MAN2A1: variants seen among roughly 807,000 people sequenced by gnomAD.
MAN2A1 encodes mannosidase alpha class 2A member 1, also known as alpha-mannosidase 2.
A neutral mutation model predicts 142.6 loss-of-function variants in MAN2A1; 76 were observed. The ratio of observed to expected loss-of-function variants is 0.53; its 90% CI spans 0.44 to 0.65. The LOEUF is 0.65. MAN2A1 is among the 30% of genes least tolerant of loss of function. MAN2A1 has a pLI of 0.00. For synonymous variants in MAN2A1, 559 were observed against 473.2 expected, an observed-to-expected ratio of 1.18 and a Z score of -2.35; for missense variants, 1,311 against 1,365.1, an observed-to-expected ratio of 0.96 and a Z score of 0.62.
intron 3 of MAN2A1, among the ~76,000 whole-genome samples, chr5:109,720,716 A>T (rs1383268637): frequency 6.6e-6 from 1 of 152,210 alleles, no homozygotes. Context: ...ATTTTGAGAA[A>T]GTTTAGAAAT....
intron 12 of MAN2A1, among the ~76,000 whole-genome samples, chr5:109,801,208 A>G (rs992041702): frequency 1.3e-5 from 2 of 152,182 alleles, no homozygotes; most frequent in Non-Finnish European, 2.9e-5. Flanking sequence ...GGCTGCTTTT[A>G]CCTGTTAGCT....
At chr5:109,820,014 G>A in intron 14 of MAN2A1, 127 bp downstream of exon 14, 1 of 836,458 alleles carries the variant, frequency 1.2e-6, no homozygotes, top group South Asian at 1.8e-5. Context: ...TGAGTAAAAG[G>A]AAGCATGAGC....
chr5:109,832,161 C>CTTTTTTTTTTTTTTTTTTTTT (rs70999945), intron 16 of MAN2A1, among the ~76,000 whole-genome samples: 1 of 51,230 alleles, frequency 2.0e-5, no homozygotes, highest in Non-Finnish European at 3.7e-5. Context: ...AAGGAGTTTT[C>CTTTTTTTTTTTTTTTTTTTTT]TTTTTTTTTT....
intron 7 of MAN2A1, among the ~76,000 whole-genome samples, chr5:109,773,695 A>G (rs537183042): frequency 2.2e-4 from 33 of 152,294 alleles, no homozygotes; most frequent in Non-Finnish European, 4.1e-4. Context: ...TTGCAAAGCA[A>G]TTTCAGAGAT....
intron 8 of MAN2A1, among the ~76,000 whole-genome samples, chr5:109,780,885 C>T (rs779203577): frequency 3.3e-5 from 5 of 152,098 alleles, no homozygotes; most frequent in Non-Finnish European, 7.4e-5. Flanking sequence ...AGTCCCTTCT[C>T]CTTCACAAGA....
At position 109,772,091 on chromosome 5, in the gene MAN2A1, A is replaced by AT. The variant is rs1337906814; in HGVS notation, c.1196+1556dup. On this transcript the variant is annotated intron_variant, in intron 7 of 21. Transcript: ENST00000261483. Reference sequence around the variant, plus strand: ...GAATGAGTCTATATAATACTTAGAGATTTTTTCTTTTTAAACTTCTTGGCC... The same window carrying AT: ...GAATGAGTCTATATAATACTTAGAGATTTTTTTCTTTTTAAACTTCTTGGCC... 3.9e-5 allele frequency among the ~76,000 whole-genome samples: 6 copies of AT among 151,926 alleles called. No individual in the cohort carries two copies. In the East Asian group the frequency reaches 1.2e-3, roughly 29 times the overall value.
At chr5:109,864,934 A>G (rs1755842390) in intron 20 of MAN2A1, 102 bp from the exon 21 acceptor site, 1 of 814,144 alleles carries the variant, frequency 1.2e-6, no homozygotes, top group East Asian at 2.5e-5. Context: ...CTTGCTAAAT[A>G]AATGTGCTTT....
intron 11 of MAN2A1, 144 bp downstream of exon 11, chr5:109,789,192 T>A: frequency 1.8e-6 from 1 of 546,394 alleles, no homozygotes. Context: ...TCACTTAATA[T>A]AAATTACCTG....
Position 109,827,763 on chromosome 5 carries a change from G to T in MAN2A1, c.2566+3926G>T, listed in dbSNP as rs180951797. Among the ~76,000 whole-genome samples the T allele has an allele frequency of 4.1e-4, 62 of 152,282 alleles. 1 individual carries two copies. Among genetic ancestry groups the T allele is most frequent in the Middle Eastern group, 6.8e-3 (2 of 294 alleles). ...AAAATACTAAATTAGAAGAAATCTT[G>T]TGCTCACTAGCCTTAAAAGCTCTAC... On this transcript the variant is annotated intron_variant, in intron 16 of 21. Transcript: ENST00000261483.
intron 20 of MAN2A1, among the ~76,000 whole-genome samples, chr5:109,860,504 C>G (rs543639591): frequency 1.3e-5 from 2 of 152,298 alleles, no homozygotes; most frequent in South Asian, 4.1e-4. Context: ...GTGCACCTTA[C>G]TAACCGTGTG....
intron 16 of MAN2A1, among the ~76,000 whole-genome samples, chr5:109,830,822 C>T (rs759811): frequency 0.7 from 106,203 of 151,988 alleles, 38,242 homozygotes; most frequent in East Asian, 0.91. Context: ...CGAATCTGAT[C>T]ATTCCCTACA....
At chr5:109,776,969 A>G (rs1753309776) in intron 8 of MAN2A1, among the ~76,000 whole-genome samples, 1 of 151,904 alleles carries the variant, frequency 6.6e-6, no homozygotes, top group Non-Finnish European at 1.5e-5. Context: ...TCATTTTTTG[A>G]TGAATATACC....
chr5:109,800,807 G>T (rs1287228042), intron 12 of MAN2A1, among the ~76,000 whole-genome samples: 2 of 152,138 alleles, frequency 1.3e-5, no homozygotes, highest in African/African-American at 4.8e-5. Flanking sequence ...TGGAAGAAGT[G>T]CTTGGTACAT....
chr5:109,732,646 C>G (rs995374072), intron 4 of MAN2A1, among the ~76,000 whole-genome samples: 4 of 152,056 alleles, frequency 2.6e-5, no homozygotes, highest in African/African-American at 7.2e-5. Flanking sequence ...TTGTTTTTCT[C>G]AGGTTTGTCA....
chr5:109,780,421 A>G (rs574718298), intron 8 of MAN2A1, among the ~76,000 whole-genome samples: 1 of 152,122 alleles, frequency 6.6e-6, no homozygotes, highest in Admixed American at 6.6e-5. Flanking sequence ...GAAGTTATGT[A>G]ATATGCTCAA....
At chr5:109,782,640 A>C (rs139547496) in intron 9 of MAN2A1, among the ~76,000 whole-genome samples, 1 of 152,144 alleles carries the variant, frequency 6.6e-6, no homozygotes, top group African/African-American at 2.4e-5. Flanking sequence ...ATTAAAAATT[A>C]TGAATTTAAG....
chr5:109,755,367 G>T lies in MAN2A1; in HGVS notation c.746G>T (p.Gly249Val), dbSNP rs1196704660. 1.9e-6 allele frequency: 3 copies of T among 1,612,450 alleles called. No homozygotes were observed. The highest frequency in any genetic ancestry group is 2.2e-5 in the East Asian group (1 of 44,828). ...GGTCAGCTTGAAATTGTGACAGGTG[G>T]CTGGGTTATGCCTGATGAAGCTACT... ...ENGQLEIVTG[G>V]WVMPDEATPH... Residue 249 changes from glycine (G) to valine (V), a missense_variant, in exon 5 of 22, where the codon GGC becomes GTC. Physicochemically the swap from Gly to Val is moderately radical, Grantham distance 109. Around this residue, in one of 3 missense-constraint regions of MAN2A1, gnomAD observed 409 missense variants for 412.7 expected, o/e 0.99. Coordinates refer to ENST00000261483, the MANE Select transcript of MAN2A1 (RefSeq NM_002372.4).
intron 12 of MAN2A1, 84 bp downstream of exon 12, chr5:109,789,611 A>T: frequency 2.3e-6 from 2 of 852,472 alleles, no homozygotes; most frequent in South Asian, 1.9e-5. Flanking sequence ...TAGTTAGCGT[A>T]TATTTTGAGG....
At chr5:109,725,692 G>C (rs547547345) in intron 3 of MAN2A1, among the ~76,000 whole-genome samples, 1 of 152,162 alleles carries the variant, frequency 6.6e-6, no homozygotes, top group Admixed American at 6.5e-5. Flanking sequence ...CATCCTCATG[G>C]TGGTACTTAG....
Sources: gnomAD v4.1 joint callset for allele counts (sites outside exome capture counted in the v4.1 genomes callset) on GRCh38, gnomAD v4.1.1 for gene constraint, gnomAD v4.1.1 regional missense constraint, MANE v1.5 for transcripts, NCBI Gene and HGNC (gene_info 2026-07-23, HGNC 2026-07-21) for gene names.